Variants in PKIB observed in about 807,000 individuals in gnomAD.
PKIB encodes the protein cAMP-dependent protein kinase inhibitor beta, also known as PKI-beta.
A neutral mutation model predicts 4.5 loss-of-function variants in PKIB; 2 were observed. The observed-to-expected ratio is 0.44, with a 90% CI of 0.18 to 1.39. The LOEUF is 1.39. Among genes scored for constraint, PKIB ranks in the 40% most tolerant of loss-of-function variants. The pLI is 0.27. For missense variants in PKIB, 94 were observed against 92.6 expected (o/e 1.02, Z -0.06); for synonymous variants, 38 against 36.0 (o/e 1.06, Z -0.20).
At chr6:122,696,340 A>T (rs1030723643) in intron 3 of PKIB, among the ~76,000 whole-genome samples, 4 of 152,222 alleles carry the variant, frequency 2.6e-5, no homozygotes, top group African/African-American at 9.6e-5. Context: ...AGAATTCAGG[A>T]TGTAATGAGA....
At position 122,488,907 on chromosome 6, in the gene PKIB, A is replaced by G. The variant is rs1003723232; in HGVS notation, c.-248+10968A>G. 5.3e-5 allele frequency among the ~76,000 whole-genome samples: 8 copies of G among 152,308 alleles called. No homozygotes were observed. In the South Asian group the frequency reaches 8.3e-4, roughly 16 times the overall value. On this transcript the variant is annotated intron_variant, in intron 2 of 6. Transcript: ENST00000392491. ...TTGTGTGTTCCCAGTGATAATTCCA[A>G]TTGAAACATAATACCACAGGGATCA...
intron 2 of PKIB, among the ~76,000 whole-genome samples, chr6:122,581,495 T>C (rs924152366): frequency 1.3e-5 from 2 of 152,146 alleles, no homozygotes; most frequent in African/African-American, 4.8e-5. Context: ...CACAAAGGAC[T>C]TAAATAGATT....
intron 2 of PKIB, among the ~76,000 whole-genome samples, chr6:122,637,690 A>C (rs1775978941): frequency 6.6e-6 from 1 of 151,616 alleles, no homozygotes; most frequent in African/African-American, 2.4e-5. Flanking sequence ...CAGGAGACGG[A>C]GCTTGCAGTG....
chr6:122,517,947 T>A (rs1445479797), intron 2 of PKIB, among the ~76,000 whole-genome samples: 1 of 152,234 alleles, frequency 6.6e-6, no homozygotes, highest in Non-Finnish European at 1.5e-5. Context: ...AAAAATAGTT[T>A]TTATATTTTA....
intron 3 of PKIB, among the ~76,000 whole-genome samples, chr6:122,689,882 A>G (rs1778252538): frequency 6.6e-6 from 1 of 152,012 alleles, no homozygotes; most frequent in Non-Finnish European, 1.5e-5. Context: ...TTATGTTGGG[A>G]GTCTATCTCT....
At chr6:122,562,004 G>GCTTTTTTTTTTTTTTTTTTT (rs1773042304) in intron 2 of PKIB, among the ~76,000 whole-genome samples, 1 of 79,480 alleles carries the variant, frequency 1.3e-5, no homozygotes, top group African/African-American at 5.1e-5. Flanking sequence ...GTTTTTTTTT[G>GCTTTTTTTTTTTTTTTTTTT]TTTTTTTTTT....
At chr6:122,665,132 T>TA (rs373748854) in intron 2 of PKIB, among the ~76,000 whole-genome samples, 2 of 152,144 alleles carry the variant, frequency 1.3e-5, no homozygotes, top group African/African-American at 4.8e-5. Context: ...ATACCTGGGT[T>TA]AAAAAAAGTT....
chr6:122,500,507 G>A lies in PKIB; in HGVS notation c.-248+22568G>A, dbSNP rs115521491. Among the ~76,000 whole-genome samples the A allele has an allele frequency of 2.5e-3, 388 of 152,226 alleles. 2 individuals carry two copies. The highest frequency in any genetic ancestry group is 7.6e-3 in the African/African-American group (317 of 41,520). Reference sequence around the variant, plus strand: ...AATAATGCTAAATATAAACCTTTATGCTGTGCAGCTAGGAGTTTACACAAA... The same window carrying A: ...AATAATGCTAAATATAAACCTTTATACTGTGCAGCTAGGAGTTTACACAAA... On this transcript the variant is annotated intron_variant, in intron 2 of 6. Coordinates refer to the PKIB transcript ENST00000392491.
chr6:122,612,821 G>C (rs1774817443), intron 1 of PKIB, among the ~76,000 whole-genome samples: 1 of 152,110 alleles, frequency 6.6e-6, no homozygotes, highest in Non-Finnish European at 1.5e-5. Flanking sequence ...AGTGAAATTG[G>C]TAGGTTGTAT....
In PKIB at chr6:122,505,280, A is replaced by G. The variant is rs548148842; in HGVS notation, c.-248+27341A>G. Among the ~76,000 whole-genome samples, 148 of 152,296 alleles carry G rather than the reference A, an allele frequency of 9.7e-4. 4 individuals are homozygous for G. The South Asian group carries it at 0.029, about 30-fold the overall frequency. ...CAGATCTCGCTCTGAGCATGGGAACATGATGGCAATTAGGAGGCTTTCCTC... is the reference window on the plus strand; with the variant it reads ...CAGATCTCGCTCTGAGCATGGGAACGTGATGGCAATTAGGAGGCTTTCCTC... On this transcript the variant is annotated intron_variant, in intron 2 of 6. Coordinates refer to the PKIB transcript ENST00000392491.
chr6:122,629,981 T>C (rs950311496), intron 1 of PKIB, among the ~76,000 whole-genome samples: 34 of 152,282 alleles, frequency 2.2e-4, no homozygotes, highest in African/African-American at 7.9e-4. Context: ...GACAATAGCA[T>C]ATCAATGTTA....
intron 3 of PKIB, 44 bp from the exon 4 acceptor site, chr6:122,717,743 T>C (rs6900745): frequency 1 from 1,590,607 of 1,593,808 alleles, 793,768 homozygotes; most frequent in South Asian, 1. Flanking sequence ...GAACATTTAC[T>C]TCTGAATAGG....
chr6:122,576,749 TA>T (rs1562257725), intron 2 of PKIB, among the ~76,000 whole-genome samples: 1 of 145,054 alleles, frequency 6.9e-6, no homozygotes, highest in South Asian at 2.1e-4. Context: ...AAGTTAATTT[TA>T]AAAAGAAAAA....
At chr6:122,724,268 C>T (rs1779856834) in intron 4 of PKIB, among the ~76,000 whole-genome samples, 1 of 152,000 alleles carries the variant, frequency 6.6e-6, no homozygotes, top group African/African-American at 2.4e-5. Context: ...ATGAAGAGCG[C>T]AGATGATTAT....
At chr6:122,504,061 A>C (rs996945601) in intron 2 of PKIB, among the ~76,000 whole-genome samples, 3 of 152,122 alleles carry the variant, frequency 2.0e-5, no homozygotes, top group Admixed American at 2.0e-4. Flanking sequence ...TGAGAGATAT[A>C]TTCATATGCA....
intron 2 of PKIB, among the ~76,000 whole-genome samples, chr6:122,573,857 G>A (rs1351175556): frequency 2.6e-5 from 4 of 152,144 alleles, no homozygotes; most frequent in African/African-American, 7.2e-5. Context: ...CCTGAGAACT[G>A]GAACAAGACA....
At chr6:122,562,298 G>T (rs1285021260) in intron 2 of PKIB, among the ~76,000 whole-genome samples, 1 of 152,082 alleles carries the variant, frequency 6.6e-6, no homozygotes, top group Non-Finnish European at 1.5e-5. Flanking sequence ...ATCCCTTCTA[G>T]CTTGGAGGGT....
chr6:122,694,585 T>G (rs1208629599), intron 3 of PKIB, among the ~76,000 whole-genome samples: 1 of 152,108 alleles, frequency 6.6e-6, no homozygotes, highest in African/African-American at 2.4e-5. Context: ...TTTAATCAAG[T>G]GTTAAAGTGA....
chr6:122,681,592 T>C (rs948683971), intron 3 of PKIB, among the ~76,000 whole-genome samples: 5 of 152,224 alleles, frequency 3.3e-5, no homozygotes, highest in Admixed American at 2.0e-4. Context: ...AATTACCTAA[T>C]TGACATTTTT....
Sources: allele counts gnomAD v4.1 joint callset (sites outside exome capture counted in the v4.1 genomes callset), GRCh38; gene constraint gnomAD v4.1.1; transcripts MANE v1.5; gene names NCBI Gene and HGNC (gene_info 2026-07-23, HGNC 2026-07-21).